Variants in MAGI1 observed in about 807,000 individuals in gnomAD.
MAGI1 encodes the protein membrane-associated guanylate kinase, WW and PDZ domain-containing protein 1.
MAGI1 carries 58 observed loss-of-function variants against 139.9 expected under a neutral mutation model. The observed-to-expected ratio is 0.41, with a 90% CI of 0.34 to 0.52. The LOEUF (loss-of-function observed/expected upper bound fraction) is 0.52. Ranked by LOEUF, MAGI1 falls within the 20% of genes least tolerant of loss-of-function variation. MAGI1 has a pLI of 0.12. For synonymous variants in MAGI1, 812 were observed against 737.9 expected (o/e 1.10, Z -1.63); for missense variants, 1,874 against 1,901.6 (o/e 0.99, Z 0.27).
At chr3:65,735,083 AAC>A (rs1489687716) in intron 1 of MAGI1, among the ~76,000 whole-genome samples, 1 of 152,176 alleles carries the variant, frequency 6.6e-6, no homozygotes, top group African/African-American at 2.4e-5. Context: ...TTACTCCTGA[AAC>A]ACAAAGCTAA....
rs1553746280 is a variant in MAGI1, at chr3:66,006,805, G to GGTTTGGTTTT, written c.313+31190_313+31191insAAAACCAAAC. 2.0e-5 allele frequency among the ~76,000 whole-genome samples: 3 copies of GGTTTGGTTTT among 147,890 alleles called. No individual in the cohort carries two copies. In the South Asian group the frequency reaches 6.5e-4, roughly 32 times the overall value. The stretch of plus-strand genomic sequence containing the variant: ...TAGCGGTCCTCTCTTTGAAGAACAT[G>GGTTTGGTTTT]GTTTTGTTTTGTTTTGTTTTGTTTT... On this transcript the variant is annotated intron_variant, in intron 1 of 22. Coordinates refer to ENST00000402939, the MANE Select transcript of MAGI1 (RefSeq NM_001033057.2).
chr3:65,784,875 A>G (rs1273262074), intron 1 of MAGI1, among the ~76,000 whole-genome samples: 5 of 152,254 alleles, frequency 3.3e-5, no homozygotes, highest in Non-Finnish European at 7.3e-5. Flanking sequence ...CACATACTTT[A>G]CAATGCCCTT....
intron 1 of MAGI1, chr3:65,954,354 C>CT (rs1389791677): frequency 6.6e-6 from 1 of 152,514 alleles, no homozygotes; most frequent in African/African-American, 2.4e-5. Context: ...AGCAGGCCAG[C>CT]TAGAACGGGG....
At chr3:65,794,645 G>C (rs2108088086) in intron 1 of MAGI1, among the ~76,000 whole-genome samples, 1 of 151,494 alleles carries the variant, frequency 6.6e-6, no homozygotes, top group African/African-American at 2.4e-5. Flanking sequence ...TAGGGGACCT[G>C]CCTCACAACC....
At chr3:65,570,431 AT>A (rs773261370) in intron 2 of MAGI1, among the ~76,000 whole-genome samples, 7 of 151,538 alleles carry the variant, frequency 4.6e-5, no homozygotes, top group Middle Eastern at 3.4e-3. Context: ...AAAAAAAAAA[AT>A]GTTTAATCAG....
intron 1 of MAGI1, among the ~76,000 whole-genome samples, chr3:66,006,915 C>A (rs2067051103): frequency 6.6e-6 from 1 of 152,122 alleles, no homozygotes; most frequent in Non-Finnish European, 1.5e-5. Context: ...ACTGCAACCT[C>A]AAATTCCTAG....
chr3:65,651,708 A>C (rs550311580), intron 1 of MAGI1, among the ~76,000 whole-genome samples: 1 of 152,218 alleles, frequency 6.6e-6, no homozygotes, highest in South Asian at 2.1e-4. Context: ...CACCAAGAAA[A>C]CACCACCAGA....
At chr3:65,360,447 T>G in intron 22 of MAGI1, 1 of 983,754 alleles carries the variant, frequency 1.0e-6, no homozygotes, top group Non-Finnish European at 1.2e-6. Context: ...CACTAAGCTA[T>G]GTAAAGATCA....
Position 65,379,012 on chromosome 3 carries a change from T to C in MAGI1, c.2995+249A>G, listed in dbSNP as rs1315416468. On this transcript the variant is annotated intron_variant, in intron 17 of 22. Coordinates refer to ENST00000402939, the MANE Select transcript of MAGI1 (RefSeq NM_001033057.2). ...TCAAATTTCACGCAAATCTGATGTA[T>C]GCTTTAAGTTGTGTATGCGTGATCA... 3.9e-5 allele frequency among the ~76,000 whole-genome samples: 6 copies of C among 152,224 alleles called. No homozygotes were observed. The South Asian group carries it at 8.3e-4, about 21-fold the overall frequency.
At position 65,719,285 on chromosome 3, in the gene MAGI1, A is replaced by ATGTG. The variant is rs60689301; in HGVS notation, c.314-97201_314-97198dup. Among the ~76,000 whole-genome samples the ATGTG allele has an allele frequency of 1.2e-4, 18 of 149,644 alleles. No homozygotes were observed. In the East Asian group the frequency reaches 2.1e-3, roughly 18 times the overall value. On this transcript the variant is annotated intron_variant, in intron 1 of 22. Coordinates refer to ENST00000402939, the MANE Select transcript of MAGI1 (RefSeq NM_001033057.2). ...CACACATACATATATATACACATAT[A>ATGTG]TGTGTGTGTGTGTGTGTGTATATAC...
At chr3:65,886,038 A>C (rs1354434872) in intron 1 of MAGI1, among the ~76,000 whole-genome samples, 1 of 152,216 alleles carries the variant, frequency 6.6e-6, no homozygotes, top group Non-Finnish European at 1.5e-5. Flanking sequence ...CTAACTATGC[A>C]AACAAGTATA....
At chr3:65,490,104 G>A (rs887302110) in intron 3 of MAGI1, among the ~76,000 whole-genome samples, 7 of 152,190 alleles carry the variant, frequency 4.6e-5, no homozygotes, top group African/African-American at 7.2e-5. Context: ...TCCACTACAG[G>A]AGCAATTTTG....
intron 2 of MAGI1, among the ~76,000 whole-genome samples, chr3:65,599,551 T>C (rs2106825124): frequency 6.6e-6 from 1 of 152,282 alleles, no homozygotes; most frequent in South Asian, 2.1e-4. Flanking sequence ...TGTAGATAAT[T>C]ACTTGCCTGT....
chr3:65,573,277 C>G (rs540101532), intron 2 of MAGI1, among the ~76,000 whole-genome samples: 7 of 151,904 alleles, frequency 4.6e-5, no homozygotes, highest in Admixed American at 6.6e-5. Context: ...CAATATTTCA[C>G]AGGAACAAAG....
Position 65,622,008 on chromosome 3 carries a change from T to A in MAGI1, c.394A>T (p.Thr132Ser). The A allele has an allele frequency of 6.2e-7, 1 of 1,613,840 alleles. No homozygotes were observed. The part of the protein sequence containing the change: ...KGSPDHELQQ[T>S]IRDNLYRHAV... Reference sequence around the variant, plus strand: ...TGGCGGTAAAGGTTATCCCTTATGGTCTGCTGGAGCTCATGATCAGGAGAC... The same window carrying A: ...TGGCGGTAAAGGTTATCCCTTATGGACTGCTGGAGCTCATGATCAGGAGAC... The change falls in exon 2 of 23, where the codon ACC (threonine) becomes TCC (serine). Residue 132 changes from threonine to serine, a missense_variant. By Grantham distance (58) the Thr-to-Ser change is moderately conservative. Coordinates refer to ENST00000402939, the MANE Select transcript of MAGI1 (RefSeq NM_001033057.2).
At chr3:65,683,207 G>C (rs2087718189) in intron 1 of MAGI1, among the ~76,000 whole-genome samples, 1 of 151,960 alleles carries the variant, frequency 6.6e-6, no homozygotes, top group Admixed American at 6.6e-5. Flanking sequence ...TACAATGGTG[G>C]ATACATGTCA....
intron 12 of MAGI1, among the ~76,000 whole-genome samples, chr3:65,418,705 A>T (rs1283457187): frequency 6.6e-6 from 1 of 152,120 alleles, no homozygotes; most frequent in Non-Finnish European, 1.5e-5. Context: ...AAACAAAACA[A>T]AGCCCTCTCC....
At chr3:65,926,327 T>TTCTCTCTCTC (rs377665681) in intron 1 of MAGI1, among the ~76,000 whole-genome samples, 6,862 of 115,422 alleles carry the variant, frequency 0.059, 301 homozygotes, top group Non-Finnish European at 0.066. Context: ...AAGTCTTCTT[T>TTCTCTCTCTC]TCTCTCTCTC....
intron 1 of MAGI1, among the ~76,000 whole-genome samples, chr3:65,722,355 C>T (rs1451694783): frequency 6.6e-6 from 1 of 152,048 alleles, no homozygotes; most frequent in Admixed American, 6.6e-5. Context: ...GGACCAGGCA[C>T]AGTGGCTCGC....
Sources: gnomAD v4.1 joint callset for allele counts (sites outside exome capture counted in the v4.1 genomes callset) on GRCh38, gnomAD v4.1.1 for gene constraint, MANE v1.5 for transcripts, NCBI Gene and HGNC (gene_info 2026-07-23, HGNC 2026-07-21) for gene names.